CUL3: variants seen among roughly 807,000 people sequenced by gnomAD.
CUL3 encodes the protein cullin-3.
In CUL3, 19 loss-of-function variants were observed where a neutral mutation model predicts 89.1. That is an observed-to-expected ratio of 0.21 (90% CI 0.15 to 0.31). The LOEUF is 0.31. Ranked by LOEUF, CUL3 falls within the 10% of genes least tolerant of loss-of-function variation. The pLI is 1.00. For synonymous variants in CUL3, 351 were observed against 308.4 expected (o/e 1.14, Z -1.45); for missense variants, 469 against 942.3 (o/e 0.50, Z 6.58).
intron 13 of CUL3, among the ~76,000 whole-genome samples, chr2:224,483,419 A>G (rs1454898162): frequency 6.6e-6 from 1 of 152,196 alleles, no homozygotes; most frequent in Non-Finnish European, 1.5e-5. Flanking sequence ...AAGGTTGTAT[A>G]TATAATGAGA....
chr2:224,505,850 G>A, intron 8 of CUL3, 106 bp downstream of exon 8: 1 of 701,446 alleles, frequency 1.4e-6, no homozygotes, highest in Non-Finnish European at 2.2e-6. Flanking sequence ...TTTAAGCACA[G>A]CAATGGGTCA....
intron 15 of CUL3, among the ~76,000 whole-genome samples, chr2:224,477,520 T>C (rs529931048): frequency 4.6e-4 from 70 of 152,228 alleles, no homozygotes; most frequent in African/African-American, 1.6e-3. Context: ...ATGTCTATTG[T>C]CTTCCACCTG....
chr2:224,506,239 T>C, intron 7 of CUL3, 107 bp from the exon 8 acceptor site: 1 of 693,522 alleles, frequency 1.4e-6, no homozygotes, highest in Non-Finnish European at 2.2e-6. Context: ...TAAACATGTA[T>C]ATTCATTTTT....
rs376152017 is a variant in CUL3, at chr2:224,567,538, G to T, written c.67-9682C>A. On this transcript the variant is annotated intron_variant, in intron 1 of 15. Coordinates refer to ENST00000264414, the MANE Select transcript of CUL3 (RefSeq NM_003590.5). ...GCGGATCACCAAGCCAGGAGATCCA[G>T]ATCATCCTGGCTAACACGGTGAAAC... Among the ~76,000 whole-genome samples, 19 of 152,214 alleles carry T rather than the reference G, an allele frequency of 1.2e-4. No homozygotes were observed. The East Asian group carries it at 3.1e-3, about 25-fold the overall frequency.
intron 3 of CUL3, among the ~76,000 whole-genome samples, chr2:224,533,485 GGGA>G (rs146885292): frequency 1.4e-3 from 217 of 152,230 alleles, no homozygotes; most frequent in Middle Eastern, 0.01. Flanking sequence ...AAGAAAAAAA[GGGA>G]GGAGGAGGAC....
At chr2:224,561,171 AG>A (rs2106311095) in intron 1 of CUL3, among the ~76,000 whole-genome samples, 1 of 152,320 alleles carries the variant, frequency 6.6e-6, no homozygotes, top group East Asian at 1.9e-4. Flanking sequence ...TCATGAAGGC[AG>A]GGATCTTTTT....
intron 1 of CUL3, among the ~76,000 whole-genome samples, chr2:224,558,070 C>G (rs1396621071): frequency 6.6e-6 from 1 of 151,956 alleles, no homozygotes; most frequent in Non-Finnish European, 1.5e-5. Flanking sequence ...GAAGCACTTT[C>G]TCATCTTTTA....
In CUL3 at chr2:224,506,825, C is replaced by T. The variant is rs372318357; in HGVS notation, c.1029+33G>A. ...TTAGCACTTGTCAAAATGCCTTTAT[C>T]ATAAACACAGAGAATCTTCTGGGTT... On this transcript the variant is annotated intron_variant, in intron 7 of 15. Transcript: ENST00000264414. The T allele has an allele frequency of 1.4e-5, 23 of 1,606,024 alleles. No individual in the cohort carries two copies. The African/African-American group carries it at 3.0e-4, about 21-fold the overall frequency.
At chr2:224,528,077 A>AT (rs973986591) in intron 3 of CUL3, among the ~76,000 whole-genome samples, 1 of 151,974 alleles carries the variant, frequency 6.6e-6, no homozygotes, top group Non-Finnish European at 1.5e-5. Context: ...TGAGCATTCC[A>AT]TTTTTTTTCC....
chr2:224,500,630 T>C, intron 10 of CUL3, 143 bp from the exon 11 acceptor site: 1 of 504,756 alleles, frequency 2.0e-6, no homozygotes, highest in African/African-American at 2.0e-5. Flanking sequence ...TTCTTTTCTT[T>C]TTTTTTTTTT....
At chr2:224,583,275 G>T (rs1251810084) in intron 1 of CUL3, among the ~76,000 whole-genome samples, 4 of 152,126 alleles carry the variant, frequency 2.6e-5, no homozygotes, top group Non-Finnish European at 4.4e-5. Context: ...TACTCAGGAG[G>T]CTTTTAACCC....
intron 15 of CUL3, 48 bp from the exon 16 acceptor site, chr2:224,474,424 G>GT (rs753409412): frequency 2.9e-5 from 45 of 1,526,272 alleles, no homozygotes; most frequent in Non-Finnish European, 3.9e-5. Context: ...ATAAAAATTC[G>GT]TATCTTTGAA....
chr2:224,500,903 C>T (rs527435236), intron 10 of CUL3, among the ~76,000 whole-genome samples: 21 of 152,024 alleles, frequency 1.4e-4, no homozygotes, highest in African/African-American at 4.8e-4. Flanking sequence ...GGACTATAGG[C>T]GTGAGACATC....
rs192537022 is a variant in CUL3, at chr2:224,519,937, A to G, written c.379-5165T>C. ...ATTTTAAAAATCATTCCAAAAGAGA[A>G]AAAAAAAAAATTAAAGACTGATTTT... On this transcript the variant is annotated intron_variant, in intron 3 of 15. Transcript: ENST00000264414. Among the ~76,000 whole-genome samples, 806 of 150,882 alleles carry G rather than the reference A, an allele frequency of 5.3e-3. 3 individuals carry two copies. The highest frequency in any genetic ancestry group is 7.3e-3 in the Non-Finnish European group (495 of 67,518).
chr2:224,531,550 G>A (rs1693698133), intron 3 of CUL3, among the ~76,000 whole-genome samples: 1 of 101,772 alleles, frequency 9.8e-6, no homozygotes, highest in African/African-American at 4.4e-5. Flanking sequence ...CACAAACACT[G>A]TTTCCATCCT....
intron 1 of CUL3, among the ~76,000 whole-genome samples, chr2:224,573,498 T>C (rs1281006399): frequency 6.6e-6 from 1 of 152,220 alleles, no homozygotes; most frequent in Non-Finnish European, 1.5e-5. Context: ...CTTTTATAAA[T>C]GGTCCATTTA....
intron 1 of CUL3, among the ~76,000 whole-genome samples, chr2:224,575,265 G>C (rs1290643763): frequency 6.6e-6 from 1 of 152,176 alleles, no homozygotes; most frequent in African/African-American, 2.4e-5. Flanking sequence ...AGGCAAGAAA[G>C]GGGAGAGGAA....
At chr2:224,493,692 C>T (rs530949223) in intron 13 of CUL3, among the ~76,000 whole-genome samples, 1 of 152,238 alleles carries the variant, frequency 6.6e-6, no homozygotes, top group East Asian at 1.9e-4. Flanking sequence ...TTTTTATTAT[C>T]CCATTATTTT....
chr2:224,555,719 G>T (rs1694673898), intron 2 of CUL3, among the ~76,000 whole-genome samples: 1 of 152,080 alleles, frequency 6.6e-6, no homozygotes, highest in East Asian at 1.9e-4. Context: ...TGCCATCATG[G>T]AATGCCTTCC....
Sources: gnomAD v4.1 joint callset for allele counts (sites outside exome capture counted in the v4.1 genomes callset) on GRCh38, gnomAD v4.1.1 for gene constraint, MANE v1.5 for transcripts, NCBI Gene and HGNC (gene_info 2026-07-23, HGNC 2026-07-21) for gene names.